The following GFRA1 variants were observed in gnomAD, a reference collection of about 807,000 sequenced individuals.
The protein encoded by GFRA1 is GDNF family receptor alpha-1.
In GFRA1, 16 loss-of-function variants were observed where a neutral mutation model predicts 51.6. That is an observed-to-expected ratio of 0.31 (90% confidence interval 0.21 to 0.47). The LOEUF is 0.47. GFRA1 is among the 20% of genes least tolerant of loss of function. The pLI is 1.00. For synonymous variants in GFRA1, 270 were observed against 241.3 expected (o/e 1.12, Z -1.10); for missense variants, 530 against 594.3 (o/e 0.89, Z 1.13).
At chr10:116,091,867 C>CATTT (rs1956352157) in intron 8 of GFRA1, among the ~76,000 whole-genome samples, 1 of 152,066 alleles carries the variant, frequency 6.6e-6, no homozygotes. Context: ...AGACAAAATG[C>CATTT]ATTTATTTTT....
intron 5 of GFRA1, among the ~76,000 whole-genome samples, chr10:116,191,898 C>T (rs1963298393): frequency 6.6e-6 from 1 of 151,952 alleles, no homozygotes; most frequent in South Asian, 2.1e-4. Flanking sequence ...GTGGTGGCAG[C>T]CACCTGTAAT....
At chr10:116,091,569 G>GC (rs1956335820) in intron 8 of GFRA1, among the ~76,000 whole-genome samples, 2 of 152,156 alleles carry the variant, frequency 1.3e-5, no homozygotes, top group Admixed American at 1.3e-4. Flanking sequence ...TCTTCCCCAT[G>GC]CATCTGTCAT....
At chr10:116,115,766 A>G (rs1957388538) in intron 6 of GFRA1, among the ~76,000 whole-genome samples, 1 of 152,114 alleles carries the variant, frequency 6.6e-6, no homozygotes, top group Admixed American at 6.5e-5. Flanking sequence ...AAAAATGATC[A>G]TGAAATTTAT....
intron 3 of GFRA1, among the ~76,000 whole-genome samples, chr10:116,270,342 G>T (rs35285046): frequency 4.9e-4 from 74 of 152,166 alleles, no homozygotes; most frequent in Non-Finnish European, 1.0e-3. Context: ...AGGTGGGGAG[G>T]GTGAAGATAC....
intron 5 of GFRA1, among the ~76,000 whole-genome samples, chr10:116,167,089 G>A (rs922566021): frequency 2.6e-5 from 4 of 152,052 alleles, no homozygotes; most frequent in East Asian, 1.9e-4. Context: ...GTGAGCCACC[G>A]TGCCCGGCCC....
intron 5 of GFRA1, among the ~76,000 whole-genome samples, chr10:116,155,051 C>A (rs535221049): frequency 1.3e-5 from 2 of 152,278 alleles, no homozygotes; most frequent in South Asian, 2.1e-4. Context: ...AGCAAAAATT[C>A]TTGCCATTTT....
At chr10:116,268,380 A>T (rs769770927) in intron 4 of GFRA1, among the ~76,000 whole-genome samples, 2 of 152,246 alleles carry the variant, frequency 1.3e-5, no homozygotes, top group Non-Finnish European at 2.9e-5. Flanking sequence ...CTTGGCAAAT[A>T]ATAAGACTTA....
chr10:116,247,914 T>C (rs564522747), intron 4 of GFRA1, among the ~76,000 whole-genome samples: 3 of 152,326 alleles, frequency 2.0e-5, no homozygotes, highest in African/African-American at 7.2e-5. Flanking sequence ...AAAATACTTG[T>C]AGAATGAATC....
chr10:116,198,810 A>T (rs1011590460), intron 5 of GFRA1, among the ~76,000 whole-genome samples: 3 of 152,136 alleles, frequency 2.0e-5, no homozygotes, highest in Non-Finnish European at 4.4e-5. Context: ...TTCTTTCCCA[A>T]AATTCTTCTC....
At chr10:116,143,831 C>G (rs1379279294) in intron 5 of GFRA1, among the ~76,000 whole-genome samples, 1 of 152,136 alleles carries the variant, frequency 6.6e-6, no homozygotes, top group Non-Finnish European at 1.5e-5. Context: ...TAATATAAGG[C>G]TCAAGTATCC....
At chr10:116,229,524 G>GATA (rs1008358791) in intron 4 of GFRA1, among the ~76,000 whole-genome samples, 1 of 152,176 alleles carries the variant, frequency 6.6e-6, no homozygotes, top group Non-Finnish European at 1.5e-5. Flanking sequence ...GGTGGAAGGA[G>GATA]ATAAGGGAAA....
chr10:116,116,745 C>G (rs755058307), intron 6 of GFRA1, among the ~76,000 whole-genome samples: 2 of 152,186 alleles, frequency 1.3e-5, no homozygotes, highest in African/African-American at 2.4e-5. Context: ...TTATAAGCAA[C>G]GAGTGTTCAA....
Position 116,272,411 on chromosome 10 carries a change from G to A in GFRA1, c.-246-136C>T, listed in dbSNP as rs945055312. ...TGAGGACCCACCCCCACCCAGGTCG[G>A]GGTGCATGTGCGTGTTTTCCAGGGG... On this transcript the variant is annotated intron_variant, in intron 1 of 10. Transcript: ENST00000355422. The surrounding 1 kb of genome is among the most constrained non-coding windows in gnomAD (Gnocchi z 4.4). The A allele has an allele frequency of 5.7e-6, 2 of 352,370 alleles. No individual in the cohort carries two copies. Among genetic ancestry groups the A allele is most frequent in the Non-Finnish European group, 5.4e-6 (1 of 186,472 alleles). 21.8% of individuals were successfully genotyped at this position (352,370 alleles called of 1,614,324 possible). A position where few individuals can be genotyped will look rare whatever the true frequency, so the allele number is the denominator to read the frequency against.
rs766159110 is a variant in GFRA1, at chr10:116,125,304, G to A, written c.687C>T (p.Ile229=). The change falls in exon 6 of 11, where the codon ATC becomes ATT. Residue 229 remains isoleucine, a synonymous_variant. Transcript: ENST00000355422. ...TCTCTTCATAGGAGCACACAGGCAC[G>A]ATGGTCTGTCGCCTCCGCTCTGTGC... ...IACTERRRQT[I]VPVCSYEERE... 1 of 1,614,216 alleles carries A rather than the reference G, an allele frequency of 6.2e-7. No individual in the cohort carries two copies. The highest frequency in any genetic ancestry group is 8.5e-7 in the Non-Finnish European group (1 of 1,180,034).
intron 6 of GFRA1, among the ~76,000 whole-genome samples, chr10:116,122,406 C>T (rs1185908454): frequency 2.0e-5 from 3 of 152,128 alleles, no homozygotes; most frequent in Non-Finnish European, 4.4e-5. Flanking sequence ...GAGTCCACTC[C>T]CTGCTATCAG....
intron 6 of GFRA1, among the ~76,000 whole-genome samples, chr10:116,097,642 C>T (rs763815981): frequency 5.3e-5 from 8 of 152,160 alleles, no homozygotes; most frequent in Non-Finnish European, 1.2e-4. Flanking sequence ...GCTGGGCCAC[C>T]TCTGAGGTCA....
intron 6 of GFRA1, among the ~76,000 whole-genome samples, chr10:116,098,521 A>T (rs1417893552): frequency 6.6e-6 from 1 of 152,192 alleles, no homozygotes; most frequent in Admixed American, 6.5e-5. Flanking sequence ...AAAGTTAATG[A>T]TCTAGTGACA....
intron 4 of GFRA1, among the ~76,000 whole-genome samples, chr10:116,267,634 G>A (rs1323997099): frequency 6.6e-6 from 1 of 152,078 alleles, no homozygotes; most frequent in Non-Finnish European, 1.5e-5. Flanking sequence ...CAGACAGTAG[G>A]TAACAGGCAT....
At chr10:116,075,004 T>A (rs1001405916) in intron 9 of GFRA1, among the ~76,000 whole-genome samples, 5 of 152,146 alleles carry the variant, frequency 3.3e-5, no homozygotes, top group African/African-American at 1.2e-4. Flanking sequence ...GGTGCAGACG[T>A]CCTATTCCTT....
Sources: gnomAD v4.1 joint callset for allele counts (sites outside exome capture counted in the v4.1 genomes callset) on GRCh38, gnomAD v4.1.1 for gene constraint, Gnocchi (gnomAD v3.1) non-coding constraint, MANE v1.5 for transcripts, NCBI Gene and HGNC (gene_info 2026-07-23, HGNC 2026-07-21) for gene names.